Variants in MGA observed in about 807,000 individuals in gnomAD.
MGA encodes MAX dimerization protein MGA, also known as MAX gene-associated protein.
Under a neutral mutation model 261.1 loss-of-function variants are expected in MGA, and 40 were observed. That is an observed-to-expected ratio of 0.15 (90% confidence interval 0.12 to 0.20). The LOEUF (loss-of-function observed/expected upper bound fraction) is 0.20. Among genes scored for constraint, MGA ranks in the 10% least tolerant of loss-of-function variants. The pLI, the probability that MGA is intolerant of heterozygous loss-of-function variation, is 1.00. For missense variants in MGA, 3,397 were observed against 3,630.5 expected (o/e 0.94, Z 1.65); for synonymous variants, 1,302 against 1,290.6 (o/e 1.01, Z -0.19).
At chr15:41,647,561 A>G (rs964465119) in intron 1 of MGA, among the ~76,000 whole-genome samples, 8 of 151,166 alleles carry the variant, frequency 5.3e-5, no homozygotes, top group African/African-American at 1.9e-4. Context: ...CTGTAATTCT[A>G]CTCTCATCTA....
chr15:41,660,409 GGT>G lies in MGA; in HGVS notation c.-182_-181del, dbSNP rs1296828734. 2 of 152,592 alleles carry G rather than the reference GGT, an allele frequency of 1.3e-5. No individual in the cohort carries two copies. Among genetic ancestry groups the G allele is most frequent in the Admixed American group, 1.3e-4 (2 of 15,282 alleles). The allele number at this position is 152,592 out of a possible 1,614,324, so 9.5% of individuals were successfully genotyped here. On this transcript the variant is annotated 5_prime_UTR_variant, in exon 1 of 24. Coordinates refer to ENST00000219905, the MANE Select transcript of MGA (RefSeq NM_001164273.2). The stretch of plus-strand genomic sequence containing the variant: ...CGCGTGCGCGGTGACGTGGACGTCC[GGT>G]GCGCGCGCGCAGGCTCTTCAGCTGG...
chr15:41,682,340 C>G (rs1019101449), intron 2 of MGA, among the ~76,000 whole-genome samples: 2 of 152,152 alleles, frequency 1.3e-5, no homozygotes, highest in Non-Finnish European at 2.9e-5. Context: ...CCTCTGCATA[C>G]TTCTTCGGGA....
chr15:41,726,342 A>AGC (rs1309114714), intron 9 of MGA, among the ~76,000 whole-genome samples: 1 of 152,272 alleles, frequency 6.6e-6, no homozygotes, highest in Non-Finnish European at 1.5e-5. Context: ...TGAAGTGCTT[A>AGC]GCACAGGTGC....
At chr15:41,686,289 G>T (rs1391950139) in intron 2 of MGA, among the ~76,000 whole-genome samples, 1 of 152,110 alleles carries the variant, frequency 6.6e-6, no homozygotes, top group Non-Finnish European at 1.5e-5. Flanking sequence ...GAGGTAGGAG[G>T]ATCACTTGAG....
chr15:41,766,219 T>G lies in MGA; in HGVS notation c.8137T>G (p.Leu2713Val). ...AGGAAACAGAGATGGCAGAGTGACGTTGGGTCCAACGCAGGTTTTTCTGGC... is the reference window on the plus strand; with the variant it reads ...AGGAAACAGAGATGGCAGAGTGACGGTGGGTCCAACGCAGGTTTTTCTGGC... Residue 2713 changes from leucine (L) to valine (V), a missense_variant, in exon 24 of 24, where the codon TTG (leucine) becomes GTG (valine). Leu to Val is a conservative substitution (Grantham distance 32). Around this residue, in one of 9 missense-constraint regions of MGA, gnomAD observed 647 missense variants for 642.4 expected, o/e 1.01. Coordinates refer to ENST00000219905, the MANE Select transcript of MGA (RefSeq NM_001164273.2). The G allele has an allele frequency of 6.2e-7, 1 of 1,613,948 alleles. No homozygotes were observed. The highest frequency in any genetic ancestry group is 8.5e-7 in the Non-Finnish European group (1 of 1,179,866).
chr15:41,666,172 G>T (rs527410377), intron 1 of MGA, among the ~76,000 whole-genome samples: 1 of 147,492 alleles, frequency 6.8e-6, no homozygotes, highest in African/African-American at 2.7e-5. Flanking sequence ...TGGAATTACC[G>T]GTGTGAGCCA....
At chr15:41,707,633 C>A (rs946640056) in intron 5 of MGA, 95 bp from the exon 6 acceptor site, 1 of 1,192,766 alleles carries the variant, frequency 8.4e-7, no homozygotes, top group Non-Finnish European at 1.2e-6. Flanking sequence ...GACCTTACCC[C>A]CCCGCCATCT....
At position 41,749,473 on chromosome 15, in the gene MGA, C is replaced by T. The variant is rs781691018; in HGVS notation, c.5866C>T (p.Pro1956Ser). The T allele has an allele frequency of 1.2e-6, 2 of 1,613,826 alleles. No homozygotes were observed. The highest frequency in any genetic ancestry group is 1.7e-5 in the Admixed American group (1 of 59,982). The change falls in exon 17 of 24, where the codon CCT (proline) becomes TCT (serine). Residue 1956 changes from proline (P) to serine (S), a missense_variant. Pro to Ser is a moderately conservative substitution (Grantham distance 74). Transcript: ENST00000219905. ...ACAGCTCCCAGGACAAAAGCCTGTT[C>T]CTAGCTCCATTCTTCAGCATGTTGC... is the stretch of plus-strand genomic sequence containing the variant.
intron 1 of MGA, among the ~76,000 whole-genome samples, chr15:41,665,299 A>G (rs1472319485): frequency 6.6e-6 from 1 of 152,154 alleles, no homozygotes; most frequent in Non-Finnish European, 1.5e-5. Context: ...AGTGGTGGTG[A>G]TGTAGCATCT....
chr15:41,634,172 T>C (rs1054176020), intron 1 of MGA, among the ~76,000 whole-genome samples: 5 of 152,226 alleles, frequency 3.3e-5, no homozygotes, highest in African/African-American at 9.6e-5. Context: ...ATGTATTTAT[T>C]TATTTTCCTT....
rs1206332819 is a variant in MGA, at chr15:41,669,279, C to T, written c.385C>T (p.Pro129Ser). ...GTATATTCTTGTCATGGATATATCT[C>T]CTGTGGATAACCATCGTTATAAGTG... is the stretch of plus-strand genomic sequence containing the variant. The change falls in exon 2 of 24, where the codon CCT (proline) becomes TCT (serine). Residue 129 changes from proline (P) to serine (S), a missense_variant. By Grantham distance (74) the Pro-to-Ser change is moderately conservative. Coordinates refer to ENST00000219905, the MANE Select transcript of MGA (RefSeq NM_001164273.2). The T allele has an allele frequency of 6.2e-7, 1 of 1,613,964 alleles. No individual in the cohort carries two copies. The highest frequency in any genetic ancestry group is 1.3e-5 in the African/African-American group (1 of 75,030).
chr15:41,744,198 G>A (rs956245777), intron 15 of MGA, among the ~76,000 whole-genome samples: 4 of 151,934 alleles, frequency 2.6e-5, no homozygotes, highest in Admixed American at 6.6e-5. Flanking sequence ...ATGTGTGTGT[G>A]TGTATATATA....
intron 2 of MGA, among the ~76,000 whole-genome samples, chr15:41,685,361 A>G (rs561324710): frequency 1.3e-5 from 2 of 152,120 alleles, no homozygotes; most frequent in Non-Finnish European, 2.9e-5. Context: ...TGCTGTCTTA[A>G]TGGTAGTAGA....
intron 2 of MGA, among the ~76,000 whole-genome samples, chr15:41,674,526 TA>T (rs2058268597): frequency 6.6e-6 from 1 of 150,992 alleles, no homozygotes; most frequent in South Asian, 2.1e-4. Context: ...TTTTTATTTT[TA>T]TTTTTTTTTT....
chr15:41,754,197 G>A (rs1224706245), intron 17 of MGA, among the ~76,000 whole-genome samples: 1 of 152,176 alleles, frequency 6.6e-6, no homozygotes, highest in African/African-American at 2.4e-5. Context: ...TGGATTATAG[G>A]TGTGAGCCAC....
chr15:41,677,854 A>C (rs931227198), intron 2 of MGA, among the ~76,000 whole-genome samples: 1 of 152,052 alleles, frequency 6.6e-6, no homozygotes, highest in South Asian at 2.1e-4. Context: ...ATGATTTGCA[A>C]ATCTTTTCTC....
chr15:41,684,189 A>G (rs2058824841), intron 2 of MGA, among the ~76,000 whole-genome samples: 1 of 152,202 alleles, frequency 6.6e-6, no homozygotes, highest in South Asian at 2.1e-4. Context: ...TGTGCCTAAC[A>G]AAATGTCTGG....
intron 5 of MGA, among the ~76,000 whole-genome samples, chr15:41,703,963 A>G (rs564880642): frequency 2.8e-4 from 42 of 152,082 alleles, no homozygotes; most frequent in African/African-American, 8.4e-4. Flanking sequence ...ACATGCCACC[A>G]CACCTGGCTA....
intron 1 of MGA, among the ~76,000 whole-genome samples, chr15:41,635,251 C>T (rs12900295): frequency 0.74 from 111,835 of 152,040 alleles, 42,936 homozygotes; most frequent in East Asian, 0.89. Context: ...CGAGAATTGC[C>T]TGAACCCAGG....
Sources: allele counts gnomAD v4.1 joint callset (sites outside exome capture counted in the v4.1 genomes callset), GRCh38; gene constraint gnomAD v4.1.1; regional missense constraint gnomAD v4.1.1; transcripts MANE v1.5; gene names NCBI Gene and HGNC (gene_info 2026-07-23, HGNC 2026-07-21).